Variants in MALT1 observed in about 807,000 individuals in gnomAD.
MALT1 encodes the protein mucosa-associated lymphoid tissue lymphoma translocation protein 1.
A neutral mutation model predicts 85.5 loss-of-function variants in MALT1; 36 were observed. The ratio of observed to expected loss-of-function variants is 0.42; its 90% confidence interval spans 0.32 to 0.56. The LOEUF is 0.56. Ranked by LOEUF, MALT1 falls within the 20% of genes least tolerant of loss-of-function variation. The probability of loss-of-function intolerance (pLI) is 0.10; values close to 1 mark genes in which losing one functional copy is unlikely to be tolerated. For missense variants in MALT1, 716 were observed against 981.6 expected, an observed-to-expected ratio of 0.73 and a Z score of 3.62; for synonymous variants, 359 against 361.3, an observed-to-expected ratio of 0.99 and a Z score of 0.07.
chr18:58,675,938 C>T (rs1048438566), intron 1 of MALT1, among the ~76,000 whole-genome samples: 1 of 152,196 alleles, frequency 6.6e-6, no homozygotes, highest in Non-Finnish European at 1.5e-5. Flanking sequence ...CTTTCAGTTT[C>T]TGCACCCTCT....
chr18:58,703,199 A>C (rs2054699201), intron 4 of MALT1, among the ~76,000 whole-genome samples: 1 of 152,098 alleles, frequency 6.6e-6, no homozygotes, highest in South Asian at 2.1e-4. Flanking sequence ...TCTACTAAAA[A>C]TACAAAAATT....
intron 9 of MALT1, among the ~76,000 whole-genome samples, chr18:58,721,892 A>C (rs984799609): frequency 2.8e-4 from 43 of 152,284 alleles, no homozygotes; most frequent in South Asian, 1.9e-3. Flanking sequence ...GGCCTGCGTC[A>C]GAGGGGGTGG....
At chr18:58,694,391 C>T (rs1419212692) in intron 2 of MALT1, among the ~76,000 whole-genome samples, 2 of 151,934 alleles carry the variant, frequency 1.3e-5, no homozygotes, top group African/African-American at 2.4e-5. Flanking sequence ...TACACTGTTT[C>T]CTTTTTACTT....
chr18:58,724,535 G>A (rs1332166984), intron 10 of MALT1, among the ~76,000 whole-genome samples: 2 of 152,130 alleles, frequency 1.3e-5, no homozygotes, highest in African/African-American at 2.4e-5. Flanking sequence ...TATACAGGTT[G>A]AGCATTCCTA....
chr18:58,731,832 T>A (rs1466134458), intron 10 of MALT1, among the ~76,000 whole-genome samples: 1 of 152,108 alleles, frequency 6.6e-6, no homozygotes, highest in Non-Finnish European at 1.5e-5. Flanking sequence ...TGCTTAGAGG[T>A]CAGGAACTTT....
chr18:58,707,252 A>G (rs1385183686), intron 4 of MALT1, among the ~76,000 whole-genome samples: 2 of 151,898 alleles, frequency 1.3e-5, no homozygotes, highest in African/African-American at 4.8e-5. Flanking sequence ...CTTCTGTGCA[A>G]GTTGATTAAC....
At chr18:58,704,862 T>A (rs535764611) in intron 4 of MALT1, among the ~76,000 whole-genome samples, 14 of 152,352 alleles carry the variant, frequency 9.2e-5, no homozygotes, top group African/African-American at 3.4e-4. Context: ...TAAGTGTTGC[T>A]TTTTGCTCTA....
At chr18:58,729,491 AAAAAAAAAAAAAAAG>A (rs1018640971) in intron 10 of MALT1, among the ~76,000 whole-genome samples, 10 of 12,268 alleles carry the variant, frequency 8.2e-4, no homozygotes, top group Admixed American at 3.2e-3. Context: ...CTCCGTCTCA[AAAAAAAAAAAAAAAG>A]AAAAAAAAAA....
intron 9 of MALT1, among the ~76,000 whole-genome samples, chr18:58,718,237 C>T (rs2054931046): frequency 6.6e-6 from 1 of 152,208 alleles, no homozygotes; most frequent in Non-Finnish European, 1.5e-5. Context: ...TATTCTTTCT[C>T]AAACATGTCC....
chr18:58,733,586 A>G lies in MALT1; in HGVS notation c.1400+12A>G. The G allele has an allele frequency of 2.6e-6, 4 of 1,552,290 alleles. No individual in the cohort carries two copies. Among genetic ancestry groups the G allele is most frequent in the Non-Finnish European group, 3.5e-6 (4 of 1,141,062 alleles). ...ATGTGTAGGAAAAGGTAAGTTTTCTAATCTTTATTAAAGAATTGTTGGAGT... is the reference window on the plus strand; with the variant it reads ...ATGTGTAGGAAAAGGTAAGTTTTCTGATCTTTATTAAAGAATTGTTGGAGT... On this transcript the variant is annotated intron_variant, in intron 11 of 16. Coordinates refer to ENST00000649217, the MANE Select transcript of MALT1 (RefSeq NM_006785.4).
chr18:58,684,312 C>CTTGAATG (rs2054366199), intron 2 of MALT1, among the ~76,000 whole-genome samples: 1 of 151,870 alleles, frequency 6.6e-6, no homozygotes, highest in Non-Finnish European at 1.5e-5. Flanking sequence ...TTGGTTGTTG[C>CTTGAATG]TTGAATGTTA....
intron 10 of MALT1, among the ~76,000 whole-genome samples, chr18:58,732,560 T>C (rs1487862718): frequency 6.6e-6 from 1 of 152,196 alleles, no homozygotes; most frequent in Non-Finnish European, 1.5e-5. Flanking sequence ...CTTAACTGTT[T>C]ATGGTAATAC....
At chr18:58,705,298 G>A (rs1169673311) in intron 4 of MALT1, among the ~76,000 whole-genome samples, 2 of 116,890 alleles carry the variant, frequency 1.7e-5, no homozygotes, top group Non-Finnish European at 4.1e-5. Flanking sequence ...ACGTGTGTGT[G>A]TGTGTGTGTG....
rs2055424173 is a variant in MALT1, at chr18:58,749,928, A to G, written c.*2086A>G. 1 of 210,144 alleles carries G rather than the reference A, an allele frequency of 4.8e-6. No individual in the cohort carries two copies. Among genetic ancestry groups the G allele is most frequent in the South Asian group, 1.9e-4 (1 of 5,332 alleles). The allele number at this position is 210,144 out of a possible 1,614,324, so 13.0% of individuals were successfully genotyped here. On this transcript the variant is annotated 3_prime_UTR_variant, in exon 17 of 17. Transcript: ENST00000649217. Reference sequence around the variant, plus strand: ...AGGACAAGGATGTTCACTCGGCACTACTTCTATTCAGCATTGTACTTGAAG... The same window carrying G: ...AGGACAAGGATGTTCACTCGGCACTGCTTCTATTCAGCATTGTACTTGAAG...
At chr18:58,679,244 A>G (rs1445701874) in intron 1 of MALT1, among the ~76,000 whole-genome samples, 1 of 152,266 alleles carries the variant, frequency 6.6e-6, no homozygotes, top group Non-Finnish European at 1.5e-5. Flanking sequence ...TTGTATATGT[A>G]TGTTAAATAC....
chr18:58,702,353 C>T (rs771091069), intron 4 of MALT1, among the ~76,000 whole-genome samples: 6 of 152,052 alleles, frequency 3.9e-5, no homozygotes, highest in Non-Finnish European at 5.9e-5. Flanking sequence ...CAGTGCACTC[C>T]AGCCTAGGTG....
At chr18:58,705,334 A>G (rs1219015676) in intron 4 of MALT1, among the ~76,000 whole-genome samples, 1 of 136,688 alleles carries the variant, frequency 7.3e-6, no homozygotes, top group Non-Finnish European at 1.6e-5. Flanking sequence ...ATTTATTTTT[A>G]TTATTATACT....
intron 3 of MALT1, among the ~76,000 whole-genome samples, chr18:58,697,513 G>T (rs1156737118): frequency 1.3e-5 from 2 of 152,138 alleles, no homozygotes. Context: ...TAAGTAGACA[G>T]GATGTTTTAC....
chr18:58,701,026 C>G (rs1207556227), intron 4 of MALT1, among the ~76,000 whole-genome samples: 1 of 152,122 alleles, frequency 6.6e-6, no homozygotes, highest in Non-Finnish European at 1.5e-5. Context: ...CTCCCGACCT[C>G]AGGTGACCCA....
Sources: allele counts gnomAD v4.1 joint callset (sites outside exome capture counted in the v4.1 genomes callset), GRCh38; gene constraint gnomAD v4.1.1; transcripts MANE v1.5; gene names NCBI Gene and HGNC (gene_info 2026-07-23, HGNC 2026-07-21).